AOPEP: variants seen among roughly 807,000 people sequenced by gnomAD.
The protein encoded by AOPEP is aminopeptidase O.
A neutral mutation model predicts 98.1 loss-of-function variants in AOPEP; 77 were observed. The ratio of observed to expected loss-of-function variants is 0.78; its 90% confidence interval spans 0.65 to 0.95. The LOEUF (loss-of-function observed/expected upper bound fraction) is 0.95. AOPEP is among the 40% of genes least tolerant of loss of function. The pLI, the probability that AOPEP is intolerant of heterozygous loss-of-function variation, is 0.00. For synonymous variants in AOPEP, 346 were observed against 365.3 expected, an observed-to-expected ratio of 0.95 and a Z score of 0.60; for missense variants, 1,024 against 1,024.7, an observed-to-expected ratio of 1.00 and a Z score of 0.01.
chr9:94,847,652 T>G (rs547047147), intron 5 of AOPEP, among the ~76,000 whole-genome samples: 2 of 152,306 alleles, frequency 1.3e-5, no homozygotes, highest in South Asian at 4.2e-4. Context: ...GAATCATTAA[T>G]GGGTTGGGAG....
At chr9:95,034,692 T>C (rs1395939951) in intron 13 of AOPEP, among the ~76,000 whole-genome samples, 1 of 152,208 alleles carries the variant, frequency 6.6e-6, no homozygotes. Flanking sequence ...CCTTGTGTTT[T>C]TAATAGGGAA....
intron 2 of AOPEP, among the ~76,000 whole-genome samples, chr9:94,771,347 G>C (rs1393309978): frequency 6.6e-6 from 1 of 152,198 alleles, no homozygotes; most frequent in Non-Finnish European, 1.5e-5. Flanking sequence ...CCGTGACTCA[G>C]AAGTTGAGGA....
At chr9:95,038,293 C>T (rs1016140765) in intron 13 of AOPEP, among the ~76,000 whole-genome samples, 1 of 152,186 alleles carries the variant, frequency 6.6e-6, no homozygotes, top group South Asian at 2.1e-4. Context: ...CCAGCCCAGA[C>T]TGTAGGTGAA....
At chr9:94,917,665 A>G (rs974915626) in intron 5 of AOPEP, among the ~76,000 whole-genome samples, 3 of 152,134 alleles carry the variant, frequency 2.0e-5, no homozygotes, top group East Asian at 1.9e-4. Flanking sequence ...CCACTGCCCT[A>G]TAGTATCACT....
chr9:94,828,241 C>A (rs916231643), intron 5 of AOPEP, among the ~76,000 whole-genome samples: 9 of 152,128 alleles, frequency 5.9e-5, no homozygotes, highest in Admixed American at 2.0e-4. Context: ...CTACTTTGTT[C>A]TTTAGTTTCT....
At chr9:95,101,463 C>A in the AOPEP span, 1 of 567,978 alleles carries the variant, frequency 1.8e-6, no homozygotes, top group Non-Finnish European at 3.2e-6. Context: ...CGGGCGGGCA[C>A]CAGGAGTACC....
chr9:94,864,154 G>C (rs139066673), intron 5 of AOPEP, among the ~76,000 whole-genome samples: 24 of 152,142 alleles, frequency 1.6e-4, no homozygotes, highest in Non-Finnish European at 2.9e-4. Context: ...GCTATGTTCT[G>C]TGGTAATTAT....
chr9:94,978,992 A>G (rs3802458), intron 10 of AOPEP, among the ~76,000 whole-genome samples: 11,778 of 152,144 alleles, frequency 0.077, 1,146 homozygotes, highest in African/African-American at 0.23. Flanking sequence ...ACTCAATGCC[A>G]TGATGTTCAG....
intron 2 of AOPEP, among the ~76,000 whole-genome samples, chr9:94,765,596 C>T (rs908599503): frequency 2.6e-5 from 4 of 151,404 alleles, no homozygotes; most frequent in South Asian, 2.1e-4. Flanking sequence ...AGTGAGACCC[C>T]GTCTTGAAAA....
intron 10 of AOPEP, among the ~76,000 whole-genome samples, chr9:94,978,419 C>G (rs1489881973): frequency 6.6e-6 from 1 of 151,998 alleles, no homozygotes; most frequent in South Asian, 2.1e-4. Flanking sequence ...CTCTTTCATA[C>G]CAGGGATCAG....
the AOPEP span, chr9:95,126,678 G>A: frequency 2.3e-6 from 3 of 1,287,504 alleles, no homozygotes; most frequent in East Asian, 2.4e-5. Context: ...AACTGCTGAT[G>A]TCCAGAAAAC....
At chr9:95,116,865 AG>A in the AOPEP span, among the ~76,000 whole-genome samples, 1 of 152,210 alleles carries the variant, frequency 6.6e-6, no homozygotes, top group African/African-American at 2.4e-5. Flanking sequence ...TAGCTTGGTT[AG>A]GGGAAACTTC....
At chr9:94,779,086 T>C (rs1217170678) in intron 3 of AOPEP, among the ~76,000 whole-genome samples, 2 of 152,142 alleles carry the variant, frequency 1.3e-5, no homozygotes, top group African/African-American at 2.4e-5. Flanking sequence ...AGGTGTCAAC[T>C]TGACTGGATT....
chr9:94,790,199 G>T (rs938199798), intron 3 of AOPEP, among the ~76,000 whole-genome samples: 2 of 147,978 alleles, frequency 1.4e-5, no homozygotes, highest in East Asian at 4.1e-4. Flanking sequence ...GTTGGAGACC[G>T]AGTCTCACCC....
intron 15 of AOPEP, 24 bp from the exon 16 acceptor site, chr9:95,082,551 C>T: frequency 6.2e-7 from 1 of 1,612,272 alleles, no homozygotes; most frequent in Non-Finnish European, 8.5e-7. Context: ...TCGCCTGATG[C>T]CCTTTGGCCT....
At chr9:94,759,327 A>G (rs2132441771) in intron 1 of AOPEP, among the ~76,000 whole-genome samples, 1 of 152,354 alleles carries the variant, frequency 6.6e-6, no homozygotes, top group Non-Finnish European at 1.5e-5. Flanking sequence ...AATATCTTTT[A>G]AGACTAGAGG....
intron 10 of AOPEP, among the ~76,000 whole-genome samples, chr9:94,975,678 G>A (rs2059798934): frequency 2.0e-5 from 3 of 152,180 alleles, no homozygotes; most frequent in Non-Finnish European, 4.4e-5. Flanking sequence ...GGCCGCTCTC[G>A]TTGCCTCCTG....
chr9:95,036,762 G>A (rs1450317019), intron 13 of AOPEP, among the ~76,000 whole-genome samples: 3 of 142,664 alleles, frequency 2.1e-5, no homozygotes, highest in African/African-American at 7.6e-5. Flanking sequence ...GCATAGCTCA[G>A]CTGAGAGATG....
chr9:94,981,202 C>CTT (rs1176376681), intron 11 of AOPEP, among the ~76,000 whole-genome samples: 3 of 152,192 alleles, frequency 2.0e-5, no homozygotes, highest in African/African-American at 7.2e-5. Flanking sequence ...GAGGAGGAGG[C>CTT]TTTAGCTGCC....
Sources: allele counts gnomAD v4.1 joint callset (sites outside exome capture counted in the v4.1 genomes callset), GRCh38; gene constraint gnomAD v4.1.1; transcripts MANE v1.5; gene names NCBI Gene and HGNC (gene_info 2026-07-23, HGNC 2026-07-21).